BNC2: variants seen among roughly 807,000 people sequenced by gnomAD.
BNC2 encodes the protein zinc finger protein basonuclin-2.
Under a neutral mutation model 76.3 loss-of-function variants are expected in BNC2, and 20 were observed. The ratio of observed to expected loss-of-function variants is 0.26; its 90% CI spans 0.18 to 0.38. BNC2 has a LOEUF of 0.38. BNC2 is among the 10% of genes least tolerant of loss of function. The pLI is 1.00. For missense variants in BNC2, 1,382 were observed against 1,399.8 expected, an observed-to-expected ratio of 0.99 and a Z score of 0.20; for synonymous variants, 582 against 514.8, an observed-to-expected ratio of 1.13 and a Z score of -1.77.
At chr9:16,478,706 A>C (rs934674311) in intron 5 of BNC2, among the ~76,000 whole-genome samples, 3 of 148,760 alleles carry the variant, frequency 2.0e-5, no homozygotes, top group African/African-American at 5.0e-5. Flanking sequence ...GATGCTTATT[A>C]GCTTCAGAAA....
At chr9:16,495,765 C>T (rs1010812463) in intron 5 of BNC2, among the ~76,000 whole-genome samples, 1 of 152,102 alleles carries the variant, frequency 6.6e-6, no homozygotes. Context: ...TGAAGGTTAA[C>T]GAAGACTCAG....
chr9:16,785,922 C>G (rs7856702), intron 1 of BNC2, among the ~76,000 whole-genome samples: 35,337 of 151,952 alleles, frequency 0.23, 5,238 homozygotes, highest in East Asian at 0.66. Context: ...AAATCCACCT[C>G]TGGGCCTGTG....
At chr9:16,691,354 T>C (rs1823156236) in intron 3 of BNC2, among the ~76,000 whole-genome samples, 1 of 152,218 alleles carries the variant, frequency 6.6e-6, no homozygotes, top group Non-Finnish European at 1.5e-5. Context: ...CAAAGTTCTC[T>C]CAATGACTTC....
intron 5 of BNC2, among the ~76,000 whole-genome samples, chr9:16,448,263 T>G (rs569362278): frequency 6.6e-6 from 1 of 152,146 alleles, no homozygotes; most frequent in Non-Finnish European, 1.5e-5. Flanking sequence ...TTTCTAAACA[T>G]AAATGCCAGA....
intron 2 of BNC2, among the ~76,000 whole-genome samples, chr9:16,732,809 C>T (rs1471291367): frequency 6.6e-6 from 1 of 152,170 alleles, no homozygotes; most frequent in African/African-American, 2.4e-5. Flanking sequence ...AAATGACGCT[C>T]CACATCGCAT....
chr9:16,660,844 C>T (rs566892528), intron 3 of BNC2, among the ~76,000 whole-genome samples: 2 of 148,384 alleles, frequency 1.3e-5, no homozygotes, highest in African/African-American at 2.4e-5. Context: ...TTATATTATA[C>T]TATGTATTGT....
chr9:16,460,789 C>T (rs1365862272), intron 5 of BNC2, among the ~76,000 whole-genome samples: 1 of 151,866 alleles, frequency 6.6e-6, no homozygotes, highest in African/African-American at 2.4e-5. Context: ...TGATTTTTAG[C>T]GTTATTATCA....
chr9:16,800,585 A>T (rs141341752), intron 1 of BNC2, among the ~76,000 whole-genome samples: 1 of 152,150 alleles, frequency 6.6e-6, no homozygotes, highest in East Asian at 1.9e-4. Context: ...AATTTCATTG[A>T]TCATGTATTT....
chr9:16,422,656 G>A (rs2119142299), intron 6 of BNC2, among the ~76,000 whole-genome samples: 1 of 152,286 alleles, frequency 6.6e-6, no homozygotes, highest in African/African-American at 2.4e-5. Context: ...TCATGATAGT[G>A]GGCTTGAAGA....
chr9:16,729,974 C>T (rs1342069010), intron 2 of BNC2, among the ~76,000 whole-genome samples: 1 of 151,930 alleles, frequency 6.6e-6, no homozygotes, highest in Non-Finnish European at 1.5e-5. Flanking sequence ...TGTTCTCTCT[C>T]GCCTCTCACT....
intron 1 of BNC2, among the ~76,000 whole-genome samples, chr9:16,750,142 C>A (rs1296395547): frequency 6.6e-6 from 1 of 152,018 alleles, no homozygotes; most frequent in Non-Finnish European, 1.5e-5. Context: ...TTTAAAGAAT[C>A]TACGAGAACT....
chr9:16,663,029 C>T (rs1046564647), intron 3 of BNC2, among the ~76,000 whole-genome samples: 3 of 152,038 alleles, frequency 2.0e-5, no homozygotes, highest in Non-Finnish European at 4.4e-5. Flanking sequence ...ATCTCATCTG[C>T]TTCACTATAC....
intron 1 of BNC2, among the ~76,000 whole-genome samples, chr9:16,846,135 G>A (rs1384733032): frequency 5.9e-5 from 7 of 119,282 alleles, no homozygotes; most frequent in South Asian, 8.7e-4. Context: ...GCGAGACACC[G>A]TCTCAAAAAA....
chr9:16,834,905 A>T (rs1563963736), intron 1 of BNC2, among the ~76,000 whole-genome samples: 3 of 152,146 alleles, frequency 2.0e-5, no homozygotes, highest in South Asian at 4.1e-4. Context: ...AGGGTAATAC[A>T]TCTTCAGCAG....
At chr9:16,463,492 T>A (rs10962426) in intron 5 of BNC2, among the ~76,000 whole-genome samples, 6 of 143,082 alleles carry the variant, frequency 4.2e-5, no homozygotes, top group Admixed American at 4.1e-4. Flanking sequence ...GAGACGGGGT[T>A]TCACCGTTTT....
chr9:16,667,847 T>A (rs1360759573), intron 3 of BNC2, among the ~76,000 whole-genome samples: 1 of 152,158 alleles, frequency 6.6e-6, no homozygotes, highest in Non-Finnish European at 1.5e-5. Flanking sequence ...AAGGAGAGCA[T>A]CTTTTAGGTG....
intron 5 of BNC2, among the ~76,000 whole-genome samples, chr9:16,472,048 G>A (rs1821837209): frequency 6.6e-6 from 1 of 152,220 alleles, no homozygotes; most frequent in East Asian, 1.9e-4. Context: ...CAGTCATGTG[G>A]AACTGTAAGT....
At chr9:16,459,862 G>A (rs946179976) in intron 5 of BNC2, among the ~76,000 whole-genome samples, 11 of 152,162 alleles carry the variant, frequency 7.2e-5, no homozygotes, top group African/African-American at 2.7e-4. Flanking sequence ...ACCACAGATT[G>A]CACAGACTTC....
intron 3 of BNC2, among the ~76,000 whole-genome samples, chr9:16,657,896 T>A (rs1372276192): frequency 6.6e-6 from 1 of 151,858 alleles, no homozygotes; most frequent in Non-Finnish European, 1.5e-5. Context: ...GGCAGGCCAG[T>A]TAGGGTTACA....
Sources: allele counts gnomAD v4.1 joint callset (sites outside exome capture counted in the v4.1 genomes callset), GRCh38; gene constraint gnomAD v4.1.1; transcripts MANE v1.5; gene names NCBI Gene and HGNC (gene_info 2026-07-23, HGNC 2026-07-21).